MYLK4: variants seen among roughly 807,000 people sequenced by gnomAD.
MYLK4 encodes the protein caMLCK like.
Under a neutral mutation model 48.1 loss-of-function variants are expected in MYLK4, and 46 were observed. The ratio of observed to expected loss-of-function variants is 0.96; its 90% CI spans 0.75 to 1.22. The LOEUF (loss-of-function observed/expected upper bound fraction) is 1.22, where lower values mean the gene tolerates loss of function less well. MYLK4 is among the 50% of genes most tolerant of loss of function. MYLK4 has a pLI of 0.00. For missense variants in MYLK4, 451 were observed against 486.1 expected (o/e 0.93, Z 0.68); for synonymous variants, 170 against 180.8 (o/e 0.94, Z 0.48).
At chr6:2,729,595 C>G (rs1763405765) in intron 2 of MYLK4, among the ~76,000 whole-genome samples, 1 of 152,196 alleles carries the variant, frequency 6.6e-6, no homozygotes, top group Non-Finnish European at 1.5e-5. Flanking sequence ...GCCAGGCTCC[C>G]TCAAGGAGTG....
In MYLK4 at chr6:2,664,284, T is replaced by C. The variant is rs1760557357; in HGVS notation, c.*3641A>G. The C allele has an allele frequency of 1.3e-5, 2 of 152,072 alleles. No homozygotes were observed. Among genetic ancestry groups the C allele is most frequent in the African/African-American group, 4.8e-5 (2 of 41,398 alleles). 9.4% of individuals were successfully genotyped at this position (152,072 alleles called of 1,614,324 possible). ...AGAGTGCAAAAGCAAAGGCGAAGCT[T>C]TGTGGATATTGGGAAGTAGGCCGTG... On this transcript the variant is annotated 3_prime_UTR_variant, in exon 13 of 13. Coordinates refer to ENST00000274643, the MANE Select transcript of MYLK4 (RefSeq NM_001012418.5).
chr6:2,732,657 G>A, intron 2 of MYLK4, among the ~76,000 whole-genome samples: 1 of 151,970 alleles, frequency 6.6e-6, no homozygotes, highest in East Asian at 1.9e-4. Context: ...AGTGACCCCC[G>A]AGACCCACTG....
chr6:2,759,770 A>G, the MYLK4 span, among the ~76,000 whole-genome samples: 1 of 152,246 alleles, frequency 6.6e-6, no homozygotes, highest in Non-Finnish European at 1.5e-5. Flanking sequence ...GTTTGAGGGC[A>G]AAAACAAAAA....
intron 10 of MYLK4, among the ~76,000 whole-genome samples, chr6:2,676,929 AG>A (rs1196952928): frequency 6.6e-6 from 1 of 152,192 alleles, no homozygotes; most frequent in Non-Finnish European, 1.5e-5. Context: ...AAGATTTGAA[AG>A]GGTTGACAGT....
chr6:2,731,873 G>A (rs1453448050), intron 2 of MYLK4, among the ~76,000 whole-genome samples: 4 of 152,240 alleles, frequency 2.6e-5, no homozygotes, highest in African/African-American at 9.6e-5. Context: ...GGAGACTGGT[G>A]AGGAAGAGCA....
chr6:2,690,238 G>C (rs1761724718), intron 3 of MYLK4, among the ~76,000 whole-genome samples: 3 of 152,196 alleles, frequency 2.0e-5, no homozygotes, highest in Admixed American at 2.0e-4. Context: ...CTGGCTGCCT[G>C]TGTCTTCTGA....
Position 2,713,324 on chromosome 6 carries a change from C to T in MYLK4, c.160-20465G>A, listed in dbSNP as rs926185545. ...GGCAGAGATTGCCGTGAGCCAAGAT[C>T]GATCGCATCATTGGACTCCAGCCTG... is the stretch of plus-strand genomic sequence containing the variant. On this transcript the variant is annotated intron_variant, in intron 2 of 12. Transcript: ENST00000274643. Among the ~76,000 whole-genome samples, 6 of 150,698 alleles carry T rather than the reference C, an allele frequency of 4.0e-5. No individual in the cohort carries two copies. The East Asian group carries it at 7.8e-4, about 20-fold the overall frequency.
intron 2 of MYLK4, among the ~76,000 whole-genome samples, chr6:2,705,939 A>G (rs1001113929): frequency 1.3e-5 from 2 of 152,144 alleles, no homozygotes; most frequent in Admixed American, 1.3e-4. Flanking sequence ...AAAAACCTTA[A>G]AGAGCATTGT....
intron 2 of MYLK4, among the ~76,000 whole-genome samples, chr6:2,736,690 A>C (rs1240543699): frequency 6.6e-6 from 1 of 152,126 alleles, no homozygotes; most frequent in African/African-American, 2.4e-5. Flanking sequence ...TTAAAAATAC[A>C]CTCTAACAGA....
At chr6:2,760,013 A>G in the MYLK4 span, among the ~76,000 whole-genome samples, 7 of 152,252 alleles carry the variant, frequency 4.6e-5, no homozygotes, top group Admixed American at 4.6e-4. Context: ...CAGCAGTACA[A>G]TTAATAAAAA....
chr6:2,705,321 C>A (rs1279517014), intron 2 of MYLK4, among the ~76,000 whole-genome samples: 2 of 152,234 alleles, frequency 1.3e-5, no homozygotes, highest in Non-Finnish European at 2.9e-5. Flanking sequence ...TCCCATTCCC[C>A]TTTCTACAAA....
At chr6:2,722,512 A>AGTGC (rs1763105623) in intron 2 of MYLK4, among the ~76,000 whole-genome samples, 1 of 139,440 alleles carries the variant, frequency 7.2e-6, no homozygotes, top group Admixed American at 7.2e-5. Flanking sequence ...ACATAAAAGG[A>AGTGC]GTGTGTGTGT....
intron 2 of MYLK4, among the ~76,000 whole-genome samples, chr6:2,741,721 TGTTGTACACTCTAATTTAGGA>T (rs144291852): frequency 0.23 from 34,718 of 152,158 alleles, 4,023 homozygotes; most frequent in East Asian, 0.33. Flanking sequence ...TATGAGGACA[TGTTGTACACTCTAATTTAGGA>T]GAGATTTTCT....
At chr6:2,757,605 T>TAA in the MYLK4 span, among the ~76,000 whole-genome samples, 117 of 141,076 alleles carry the variant, frequency 8.3e-4, no homozygotes, top group Middle Eastern at 3.5e-3. Flanking sequence ...GATACTTCCA[T>TAA]AAAAAAAAAA....
intron 2 of MYLK4, among the ~76,000 whole-genome samples, chr6:2,745,569 T>C (rs536217283): frequency 1.3e-5 from 2 of 152,276 alleles, no homozygotes; most frequent in South Asian, 4.1e-4. Flanking sequence ...TAGGTGATTT[T>C]GAACAGCCTT....
intron 2 of MYLK4, among the ~76,000 whole-genome samples, chr6:2,701,238 T>C (rs927478633): frequency 4.6e-5 from 7 of 152,204 alleles, no homozygotes; most frequent in African/African-American, 1.7e-4. Context: ...TCATTTCACA[T>C]GGGGTTCTCG....
rs1760538275 is a variant in MYLK4, at chr6:2,663,826, C to T, written c.*4099G>A. 6.6e-6 allele frequency: 1 copy of T among 152,556 alleles called. No individual in the cohort carries two copies. Among genetic ancestry groups the T allele is most frequent in the Non-Finnish European group, 1.5e-5 (1 of 68,040 alleles). 9.5% of individuals were successfully genotyped at this position (152,556 alleles called of 1,614,324 possible). ...ACACCAATAAACCTAGTCAGAAAGACTCACTGACATCTATCAGCTGAGACG... is the reference window on the plus strand; with the variant it reads ...ACACCAATAAACCTAGTCAGAAAGATTCACTGACATCTATCAGCTGAGACG... On this transcript the variant is annotated 3_prime_UTR_variant, in exon 13 of 13. Transcript: ENST00000274643.
chr6:2,676,046 C>T (rs927887742), intron 10 of MYLK4, among the ~76,000 whole-genome samples: 3 of 147,218 alleles, frequency 2.0e-5, no homozygotes, highest in South Asian at 2.1e-4. Context: ...GAGCCAAGAT[C>T]GTGCCATTGC....
chr6:2,763,936 C>A, the MYLK4 span, among the ~76,000 whole-genome samples: 1 of 152,060 alleles, frequency 6.6e-6, no homozygotes, highest in Non-Finnish European at 1.5e-5. Context: ...CACCTGAGGT[C>A]GGGAGTTCGA....
Sources: allele counts gnomAD v4.1 joint callset (sites outside exome capture counted in the v4.1 genomes callset), GRCh38; gene constraint gnomAD v4.1.1; transcripts MANE v1.5; gene names NCBI Gene and HGNC (gene_info 2026-07-23, HGNC 2026-07-21).